HSPG2: variants seen among roughly 807,000 people sequenced by gnomAD.
HSPG2 encodes the protein basement membrane-specific heparan sulfate proteoglycan core protein.
HSPG2 carries 278 observed loss-of-function variants against 526.6 expected under a neutral mutation model. The ratio of observed to expected loss-of-function variants is 0.53; its 90% CI spans 0.48 to 0.58. The LOEUF is 0.58. Ranked by LOEUF, HSPG2 falls within the 20% of genes least tolerant of loss-of-function variation. The pLI is 0.00. For missense variants in HSPG2, 5,354 were observed against 6,099.5 expected, an observed-to-expected ratio of 0.88 and a Z score of 4.07; for synonymous variants, 2,465 against 2,555.4, an observed-to-expected ratio of 0.96 and a Z score of 1.07.
At position 21,824,385 on chromosome 1, in the gene HSPG2, G is replaced by A. The variant is rs1459647807; in HGVS notation, c.12745-9C>T. ...CCGGCCTCTCCCACCTCCTGCCAGG[G>A]AAGCACAGGGTCTCTGGGGTCCCCA... On this transcript the variant is annotated splice_polypyrimidine_tract_variant and intron_variant, in intron 93 of 96. Coordinates refer to ENST00000374695, the MANE Select transcript of HSPG2 (RefSeq NM_005529.7). The surrounding 1 kb of genome is among the most constrained non-coding windows in gnomAD (Gnocchi z 5.9). 3 of 1,613,778 alleles carry A rather than the reference G, an allele frequency of 1.9e-6. No homozygotes were observed. The highest frequency in any genetic ancestry group is 2.5e-6 in the Non-Finnish European group (3 of 1,179,984).
intron 1 of HSPG2, among the ~76,000 whole-genome samples, chr1:21,909,947 C>T (rs368671450): frequency 3.3e-5 from 5 of 152,242 alleles, no homozygotes; most frequent in Admixed American, 2.0e-4. Flanking sequence ...AGGCTCCCCC[C>T]TCAGCTGCAC....
chr1:21,896,921 C>T (rs1394042160), intron 1 of HSPG2, among the ~76,000 whole-genome samples: 4 of 152,244 alleles, frequency 2.6e-5, no homozygotes, highest in African/African-American at 9.6e-5. Flanking sequence ...ACAGGCTCAT[C>T]CCTGGGCCCA....
At chr1:21,842,194 A>G in intron 68 of HSPG2, 45 bp downstream of exon 68, 2 of 1,612,776 alleles carry the variant, frequency 1.2e-6, no homozygotes, top group East Asian at 4.5e-5. Flanking sequence ...GCTTAGCTTC[A>G]GGGCCCTCCC....
chr1:21,881,590 A>C, intron 13 of HSPG2, 88 bp from the exon 14 acceptor site: 1 of 1,209,110 alleles, frequency 8.3e-7, no homozygotes, highest in East Asian at 2.3e-5. Flanking sequence ...GAAAGGTGGG[A>C]AAGTTCTAGT....
At position 21,848,055 on chromosome 1, in the gene HSPG2, C is replaced by G. The variant is rs543047677; in HGVS notation, c.7776G>C (p.Pro2592=). 6.8e-6 allele frequency: 11 copies of G among 1,612,782 alleles called. No individual in the cohort carries two copies. In the African/African-American group the frequency reaches 1.5e-4, roughly 22 times the overall value. ...GACACACGTACTCGCCCGAGTCTGC[C>G]GGAGTCACCTGAGGGATCCGCAGCC... ...GSRLRIPQVT[P]ADSGEYVCHV... Residue 2592 remains proline (P), a synonymous_variant, in exon 60 of 97, where the codon CCG becomes CCC. Transcript: ENST00000374695. This position sits in a 1 kb window ranked among gnomAD's most constrained non-coding sequence, Gnocchi z 4.9.
chr1:21,916,065 G>GAAAAAA (rs199842142), intron 1 of HSPG2, among the ~76,000 whole-genome samples: 1 of 81,632 alleles, frequency 1.2e-5, no homozygotes. Flanking sequence ...AAGAAAAGAA[G>GAAAAAA]AAGAAGAAAA....
At chr1:21,899,790 G>A (rs1489479172) in intron 1 of HSPG2, among the ~76,000 whole-genome samples, 1 of 152,224 alleles carries the variant, frequency 6.6e-6, no homozygotes, top group African/African-American at 2.4e-5. Flanking sequence ...CGGGAGACGT[G>A]TCTGCCCAGA....
chr1:21,848,775 G>C lies in HSPG2; in HGVS notation c.7605C>G (p.Pro2535=), dbSNP rs200291517. 5.6e-6 allele frequency: 9 copies of C among 1,613,678 alleles called. No individual in the cohort carries two copies. ...SGSHSQGVAY[P]VRIESSSASL... is the part of the protein sequence containing the mutation. ...AGGCTGAGGAGGACTCGATGCGGAC[G>C]GGGTACGCCACACCCTGGGCTGGGA... Residue 2535 remains proline, a synonymous_variant, in exon 59 of 97, where the codon CCC becomes CCG. Coordinates refer to ENST00000374695, the MANE Select transcript of HSPG2 (RefSeq NM_005529.7). The surrounding 1 kb of genome is among the most constrained non-coding windows in gnomAD (Gnocchi z 4.9).
At chr1:21,905,167 CCACCCACACACA>C (rs1414420866) in intron 1 of HSPG2, among the ~76,000 whole-genome samples, 35 of 120,838 alleles carry the variant, frequency 2.9e-4, no homozygotes, top group South Asian at 9.9e-4. Context: ...CACCCACCAC[CCACCCACACACA>C]CACACACACA....
In HSPG2 at chr1:21,841,046, T is replaced by C. The variant is rs180825713; in HGVS notation, c.9513+55A>G. On this transcript the variant is annotated intron_variant, in intron 71 of 96. Transcript: ENST00000374695. Reference sequence around the variant, plus strand: ...ACTACTATCTCCTCCAAGCACCCGCTCAAGGCTGGGCCATGGACTGGGCCT... The same window carrying C: ...ACTACTATCTCCTCCAAGCACCCGCCCAAGGCTGGGCCATGGACTGGGCCT... 4 of 1,530,340 alleles carry C rather than the reference T, an allele frequency of 2.6e-6. No homozygotes were observed. In the Admixed American group the frequency reaches 7.8e-5, roughly 30 times the overall value. The allele number at this position is 1,530,340 out of a possible 1,614,324, so 94.8% of individuals were successfully genotyped here. A position where few individuals can be genotyped will look rare whatever the true frequency, so the allele number is the denominator to read the frequency against.
chr1:21,829,690 T>G, intron 86 of HSPG2, 86 bp from the exon 87 acceptor site: 1 of 1,187,870 alleles, frequency 8.4e-7, no homozygotes, highest in Non-Finnish European at 1.2e-6. Flanking sequence ...CTGGGACCCT[T>G]GCCTGCCTCA....
chr1:21,899,949 G>C (rs1323605455), intron 1 of HSPG2, among the ~76,000 whole-genome samples: 2 of 152,248 alleles, frequency 1.3e-5, no homozygotes, highest in Admixed American at 6.5e-5. Context: ...AACCTGACCA[G>C]CTCTCAGAAT....
chr1:21,824,381 C>G lies in HSPG2; in HGVS notation c.12745-5G>C. 6.2e-7 allele frequency: 1 copy of G among 1,613,804 alleles called. No individual in the cohort carries two copies. The highest frequency in any genetic ancestry group is 1.1e-5 in the South Asian group (1 of 91,086). On this transcript the variant is annotated splice_polypyrimidine_tract_variant and splice_region_variant and intron_variant, in intron 93 of 96. Coordinates refer to ENST00000374695, the MANE Select transcript of HSPG2 (RefSeq NM_005529.7). This position sits in a 1 kb window ranked among gnomAD's most constrained non-coding sequence, Gnocchi z 5.9. ...TTGGCCGGCCTCTCCCACCTCCTGC[C>G]AGGGAAGCACAGGGTCTCTGGGGTC...
In HSPG2 at chr1:21,861,967, G is replaced by C. The variant is rs372514889; in HGVS notation, c.4868+21C>G. 7 of 1,614,120 alleles carry C rather than the reference G, an allele frequency of 4.3e-6. No homozygotes were observed. In the African/African-American group the frequency reaches 9.3e-5, roughly 22 times the overall value. ...TTCCCCAGTGGAAGTGTGTCCTTGG[G>C]CCTTGAGCTAGGGTACCCACATGTT... On this transcript the variant is annotated intron_variant, in intron 38 of 96. Transcript: ENST00000374695.
chr1:21,934,202 T>C (rs1644422245), intron 1 of HSPG2, among the ~76,000 whole-genome samples: 1 of 152,228 alleles, frequency 6.6e-6, no homozygotes, highest in African/African-American at 2.4e-5. Context: ...TGGAGCTCCC[T>C]AAGGCCCATC....
rs1303988292 is a variant in HSPG2 at position 21,887,945 on chromosome 1, G to A, written c.696C>T (p.Leu232=). 6.2e-7 allele frequency: 1 copy of A among 1,614,010 alleles called. No individual in the cohort carries two copies. The highest frequency in any genetic ancestry group is 1.1e-5 in the South Asian group (1 of 91,068). Residue 232 remains leucine (L), a synonymous_variant, in exon 7 of 97, where the codon CTC becomes CTT. Transcript: ENST00000374695. The surrounding 1 kb of genome is among the most constrained non-coding windows in gnomAD (Gnocchi z 5.0). ...RPDCRDMSDE[L]NCEEPVLGIS... ...CCCCGGACATCCCCTCACCACAATTGAGCTCATCAGACATGTCCCTGCAGT... is the reference window on the plus strand; with the variant it reads ...CCCCGGACATCCCCTCACCACAATTAAGCTCATCAGACATGTCCCTGCAGT...
intron 1 of HSPG2, among the ~76,000 whole-genome samples, chr1:21,918,184 G>A (rs2152795153): frequency 6.6e-6 from 1 of 152,278 alleles, no homozygotes; most frequent in South Asian, 2.1e-4. Flanking sequence ...GGGACAACAG[G>A]CCGTGTGCAG....
At chr1:21,888,659 C>T in intron 6 of HSPG2, 3 of 1,364,714 alleles carry the variant, frequency 2.2e-6, no homozygotes, top group Admixed American at 1.9e-5. Flanking sequence ...GCCTGGCTTA[C>T]ACTCTCACCT....
At chr1:21,829,906 T>C in intron 86 of HSPG2, 87 bp downstream of exon 86, 1 of 1,116,368 alleles carries the variant, frequency 9.0e-7, no homozygotes, top group Non-Finnish European at 1.3e-6. Context: ...TTATCATCCG[T>C]AGGGCCCATC....
Sources: allele counts gnomAD v4.1 joint callset (sites outside exome capture counted in the v4.1 genomes callset), GRCh38; gene constraint gnomAD v4.1.1; non-coding constraint Gnocchi (gnomAD v3.1); transcripts MANE v1.5; gene names NCBI Gene and HGNC (gene_info 2026-07-23, HGNC 2026-07-21).